Variants in NUP58 observed in about 807,000 individuals in gnomAD.
NUP58 encodes nucleoporin 58.
NUP58 carries 17 observed loss-of-function variants against 70.1 expected under a neutral mutation model. The observed-to-expected ratio is 0.24, with a 90% confidence interval of 0.17 to 0.36. NUP58 has a LOEUF of 0.36. NUP58 is among the 10% of genes least tolerant of loss of function. The probability of loss-of-function intolerance (pLI) is 1.00; values close to 1 mark genes in which losing one functional copy is unlikely to be tolerated. For missense variants in NUP58, 644 were observed against 701.5 expected, an observed-to-expected ratio of 0.92 and a Z score of 0.93; for synonymous variants, 275 against 257.6, an observed-to-expected ratio of 1.07 and a Z score of -0.65.
intron 1 of NUP58, 148 bp downstream of exon 1, chr13:25,302,028 G>T: frequency 1.6e-6 from 1 of 613,940 alleles, no homozygotes. Flanking sequence ...GCCCGGCGTC[G>T]TAGGCCTCTC....
chr13:25,324,929 AT>A lies in NUP58; in HGVS notation c.952-55del, dbSNP rs575358509. On this transcript the variant is annotated intron_variant, in intron 9 of 15. Transcript: ENST00000381736. ...GACTGAATATTTTTTTTCGTACGGT[AT>A]TTTTAACATAACTCTTAACTGGCTT... 684 of 1,128,538 alleles carry A rather than the reference AT, an allele frequency of 6.1e-4. 6 individuals carry two copies. The African/African-American group carries it at 9.8e-3, about 16-fold the overall frequency. The allele number at this position is 1,128,538 out of a possible 1,614,324, so 69.9% of individuals were successfully genotyped here. A position where few individuals can be genotyped will look rare whatever the true frequency, so the allele number is the denominator to read the frequency against.
At chr13:25,305,129 G>GT in intron 1 of NUP58, among the ~76,000 whole-genome samples, 1 of 72,050 alleles carries the variant, frequency 1.4e-5, no homozygotes, top group African/African-American at 4.5e-5. Context: ...AGATCTGTGG[G>GT]GTTTTTTTTT....
chr13:25,304,264 A>G (rs2030177883), intron 1 of NUP58, among the ~76,000 whole-genome samples: 1 of 152,004 alleles, frequency 6.6e-6, no homozygotes, highest in African/African-American at 2.4e-5. Context: ...AGTACATCCT[A>G]TCAAGTCCTT....
chr13:25,321,232 A>G, intron 9 of NUP58, 139 bp downstream of exon 9: 2 of 664,810 alleles, frequency 3.0e-6, no homozygotes, highest in East Asian at 3.0e-5. Flanking sequence ...GATAACTCAT[A>G]TACTTTAATA....
At chr13:25,339,919 T>C in intron 15 of NUP58, 46 bp from the exon 16 acceptor site, 1 of 1,484,180 alleles carries the variant, frequency 6.7e-7, no homozygotes. Context: ...ATATTTGTTT[T>C]TGGAATTCAA....
At chr13:25,335,234 A>G in intron 13 of NUP58, 1 of 985,248 alleles carries the variant, frequency 1.0e-6, no homozygotes, top group Non-Finnish European at 1.2e-6. Context: ...GTTCTTGATT[A>G]TATTCTGAAT....
chr13:25,346,878 GTTAAAT>G (rs1381697898), downstream of NUP58, among the ~76,000 whole-genome samples: 2 of 152,078 alleles, frequency 1.3e-5, no homozygotes, highest in Non-Finnish European at 2.9e-5. Context: ...TATTTAAAAT[GTTAAAT>G]TTGAACAACA....
rs112411025 is a variant in NUP58, at chr13:25,307,686, T to G, written c.108-120T>G. The G allele has an allele frequency of 3.2e-4, 289 of 904,778 alleles. 1 individual carries two copies. Among genetic ancestry groups the G allele is most frequent in the Non-Finnish European group, 4.6e-4 (280 of 606,326 alleles). 56.0% of individuals were successfully genotyped at this position (904,778 alleles called of 1,614,324 possible). ...GGGTCCTATGACAATGTATTAGATATGTTATGTGAATGAAATTATCTTGAA... is the reference window on the plus strand; with the variant it reads ...GGGTCCTATGACAATGTATTAGATAGGTTATGTGAATGAAATTATCTTGAA... On this transcript the variant is annotated intron_variant, in intron 1 of 15. Coordinates refer to ENST00000381736, the MANE Select transcript of NUP58 (RefSeq NM_014089.4).
At position 25,315,446 on chromosome 13, in the gene NUP58, A is replaced by C. The variant is rs1378978977; in HGVS notation, c.664A>C (p.Ser222Arg). 12 of 1,611,946 alleles carry C rather than the reference A, an allele frequency of 7.4e-6. No individual in the cohort carries two copies. Among genetic ancestry groups the C allele is most frequent in the Non-Finnish European group, 1.0e-5 (12 of 1,178,134 alleles). ...TGAAGGCCTTGGTGGTATAGATTTC[A>C]GTAGCTCCTCAGATAAAAAGAGTAA... Reference protein sequence around the residue: ...GNEGLGGIDFSSSSDKKSDKT... With the variant: ...GNEGLGGIDFRSSSDKKSDKT... Residue 222 changes from serine to arginine, a missense_variant, in exon 6 of 16, where the codon AGT becomes CGT. Physicochemically the swap from Ser to Arg is moderately radical, Grantham distance 110. Around this residue, in one of 4 missense-constraint regions of NUP58, gnomAD observed 430 missense variants for 409.2 expected, o/e 1.05. Transcript: ENST00000381736.
Position 25,321,060 on chromosome 13 carries a change from C to T in NUP58, c.918C>T (p.Leu306=). The T allele has an allele frequency of 1.3e-6, 2 of 1,589,442 alleles. No homozygotes were observed. Among genetic ancestry groups the T allele is most frequent in the Non-Finnish European group, 1.7e-6 (2 of 1,172,382 alleles). Residue 306 remains leucine, a synonymous_variant, in exon 9 of 16, where the codon CTC becomes CTT. Transcript: ENST00000381736. ...LAANGIQRNT[L]NIDKLKIETA... Reference sequence around the variant, plus strand: ...CCAATGGAATACAGAGAAACACTCTCAACATTGACAAATTGAAAATAGAAA... The same window carrying T: ...CCAATGGAATACAGAGAAACACTCTTAACATTGACAAATTGAAAATAGAAA...
intron 6 of NUP58, among the ~76,000 whole-genome samples, chr13:25,315,996 A>G (rs1302240688): frequency 1.3e-5 from 2 of 152,166 alleles, no homozygotes; most frequent in African/African-American, 4.8e-5. Context: ...TACTATTTGT[A>G]AAACCCTAGC....
chr13:25,305,107 C>T (rs541701421), intron 1 of NUP58, among the ~76,000 whole-genome samples: 77 of 143,160 alleles, frequency 5.4e-4, no homozygotes, highest in African/African-American at 2.1e-3. Context: ...TAAATTAAGA[C>T]TAAATGTTTA....
downstream of NUP58, among the ~76,000 whole-genome samples, chr13:25,343,805 G>GTGTA (rs770283276): frequency 9.4e-5 from 13 of 137,664 alleles, no homozygotes; most frequent in Middle Eastern, 3.5e-3. Context: ...ACATATATAT[G>GTGTA]TATATATATA....
chr13:25,323,408 C>T (rs1318815113), intron 9 of NUP58, among the ~76,000 whole-genome samples: 1 of 151,168 alleles, frequency 6.6e-6, no homozygotes, highest in Non-Finnish European at 1.5e-5. Flanking sequence ...ATTTCATGCT[C>T]ACCAGGTCAA....
At chr13:25,305,024 C>T (rs557022329) in intron 1 of NUP58, among the ~76,000 whole-genome samples, 17 of 152,038 alleles carry the variant, frequency 1.1e-4, no homozygotes, top group African/African-American at 1.4e-4. Context: ...TTGCTTGTAG[C>T]GCTCACTTAG....
At chr13:25,331,216 A>G (rs1593196503) in intron 12 of NUP58, 141 bp from the exon 13 acceptor site, 2 of 730,486 alleles carry the variant, frequency 2.7e-6, no homozygotes, top group Non-Finnish European at 4.6e-6. Context: ...ACCAAAGTGC[A>G]TTATTAGCAC....
In NUP58 at chr13:25,347,637, T is replaced by G. The variant is rs9578846; in HGVS notation, n.322-1925T>G. On this transcript the variant is annotated intron_variant and non_coding_transcript_variant, in intron 3 of 3. Transcript: ENST00000477876. ...AATTCAGCTATGCATCTAAAAGATG[T>G]TTTTAAAAATTGCCCTCATTATTTT... Among the ~76,000 whole-genome samples, 1,197 of 152,328 alleles carry G rather than the reference T, an allele frequency of 7.9e-3. 20 individuals carry two copies. The highest frequency in any genetic ancestry group is 0.025 in the African/African-American group (1,028 of 41,580).
At position 25,331,567 on chromosome 13, in the gene NUP58, G is replaced by A. The variant is rs1451608459; in HGVS notation, c.1435+9G>A. The stretch of plus-strand genomic sequence containing the variant: ...GCAACAGCCTGCTACAGGTCTGAAC[G>A]CATTCAAGTTATAGCTTCTTACTGT... On this transcript the variant is annotated intron_variant, in intron 13 of 15. Transcript: ENST00000381736. The A allele has an allele frequency of 8.1e-6, 13 of 1,612,384 alleles. No homozygotes were observed. The East Asian group carries it at 8.9e-5, about 11-fold the overall frequency.
intron 3 of NUP58, chr13:25,309,509 C>G (rs1359088826): frequency 2.4e-6 from 1 of 411,866 alleles, no homozygotes; most frequent in Non-Finnish European, 4.3e-6. Context: ...ATTTTAAATG[C>G]AGAAATTGTT....
Sources: allele counts gnomAD v4.1 joint callset (sites outside exome capture counted in the v4.1 genomes callset), GRCh38; gene constraint gnomAD v4.1.1; regional missense constraint gnomAD v4.1.1; transcripts MANE v1.5; gene names NCBI Gene and HGNC (gene_info 2026-07-23, HGNC 2026-07-21).